The following HADH variants were observed in gnomAD, a reference collection of about 807,000 sequenced individuals.
HADH encodes the protein hydroxyacyl-coenzyme A dehydrogenase, mitochondrial.
HADH carries 24 observed loss-of-function variants against 32.2 expected under a neutral mutation model. The ratio of observed to expected loss-of-function variants is 0.75; its 90% CI spans 0.54 to 1.05. HADH has a LOEUF of 1.05. Among genes scored for constraint, HADH ranks in the 50% least tolerant of loss-of-function variants. The pLI, the probability that HADH is intolerant of heterozygous loss-of-function variation, is 0.00. For synonymous variants in HADH, 139 were observed against 152.5 expected (o/e 0.91, Z 0.65); for missense variants, 350 against 397.1 (o/e 0.88, Z 1.01).
intron 1 of HADH, among the ~76,000 whole-genome samples, chr4:108,002,675 T>C (rs1735156605): frequency 6.6e-6 from 1 of 152,162 alleles, no homozygotes; most frequent in Non-Finnish European, 1.5e-5. Flanking sequence ...TTGGGGACCT[T>C]TGCTCCAGAG....
intron 1 of HADH, among the ~76,000 whole-genome samples, chr4:107,998,038 A>G (rs1430209154): frequency 6.6e-6 from 1 of 152,166 alleles, no homozygotes; most frequent in Non-Finnish European, 1.5e-5. Flanking sequence ...GACTTTACCA[A>G]CAAATGTCTT....
intron 6 of HADH, chr4:108,027,998 C>CTACA (rs1736122331): frequency 1.7e-6 from 1 of 596,228 alleles, no homozygotes; most frequent in African/African-American, 1.9e-5. Context: ...ACCACCCCCA[C>CTACA]TACAGTCCCA....
intron 1 of HADH, 130 bp downstream of exon 1, chr4:107,990,194 G>A: frequency 1.0e-6 from 1 of 958,010 alleles, no homozygotes; most frequent in Non-Finnish European, 1.5e-6. Context: ...CGCCTCCCGG[G>A]TGTAGTTGAA....
chr4:108,012,434 C>T (rs186822428), intron 2 of HADH, among the ~76,000 whole-genome samples: 29 of 152,272 alleles, frequency 1.9e-4, no homozygotes, highest in African/African-American at 6.3e-4. Context: ...GCATTTTTGC[C>T]ACAAGAGTAC....
intron 2 of HADH, among the ~76,000 whole-genome samples, chr4:108,012,660 A>C (rs1211981535): frequency 6.6e-6 from 1 of 152,248 alleles, no homozygotes; most frequent in Non-Finnish European, 1.5e-5. Context: ...CCTCTAAATA[A>C]GGAAGAGGAA....
At chr4:108,023,826 C>A (rs775146262) in intron 5 of HADH, 5 of 446,532 alleles carry the variant, frequency 1.1e-5, no homozygotes, top group Admixed American at 1.0e-4. Flanking sequence ...GTAGAAGACA[C>A]GGGACTGCTC....
At chr4:108,015,331 A>T (rs554923604) in intron 3 of HADH, among the ~76,000 whole-genome samples, 1 of 152,204 alleles carries the variant, frequency 6.6e-6, no homozygotes, top group East Asian at 1.9e-4. Context: ...TCTGACTGGT[A>T]TCAGGTGCTA....
At position 108,022,167 on chromosome 4, in the gene HADH, A is replaced by ATGTGTGTGTGTG. The variant is rs60633286; in HGVS notation, c.547-1297_547-1286dup. Among the ~76,000 whole-genome samples the ATGTGTGTGTGTG allele has an allele frequency of 2.3e-3, 284 of 124,796 alleles. 4 individuals are homozygous for ATGTGTGTGTGTG. Among genetic ancestry groups the ATGTGTGTGTGTG allele is most frequent in the African/African-American group, 7.4e-3 (259 of 34,938 alleles). The allele number at this position is 124,796 out of a possible 152,430, so 81.9% of individuals were successfully genotyped here. A position where few individuals can be genotyped will look rare whatever the true frequency, so the allele number is the denominator to read the frequency against. ...TGGCCTTTACATTTTACATATATAT[A>ATGTGTGTGTGTG]TGTGTGTGTGTGTGTGTGTGTATGT... On this transcript the variant is annotated intron_variant, in intron 4 of 7. Coordinates refer to ENST00000309522, the MANE Select transcript of HADH (RefSeq NM_005327.7).
intron 7 of HADH, among the ~76,000 whole-genome samples, chr4:108,033,918 A>C (rs1423367917): frequency 6.6e-6 from 1 of 152,262 alleles, no homozygotes; most frequent in African/African-American, 2.4e-5. Context: ...TGATGAATCC[A>C]ACCAGCAAAT....
intron 1 of HADH, among the ~76,000 whole-genome samples, chr4:107,992,470 C>T (rs1172746056): frequency 6.6e-6 from 1 of 152,188 alleles, no homozygotes. Flanking sequence ...TCTTTATGCT[C>T]CTTGACCAAC....
intron 5 of HADH, chr4:108,024,741 G>A: frequency 6.6e-6 from 1 of 152,208 alleles, no homozygotes; most frequent in East Asian, 1.9e-4. Context: ...GTATTGAAAA[G>A]AACATCTGTG....
At chr4:108,009,680 G>GT (rs1013186807) in intron 1 of HADH, 79 bp from the exon 2 acceptor site, 116 of 1,225,988 alleles carry the variant, frequency 9.5e-5, no homozygotes, top group Non-Finnish European at 1.3e-4. Context: ...AAATGCCACT[G>GT]TTTTTTGGGG....
chr4:108,021,710 G>A (rs976938998), intron 4 of HADH, among the ~76,000 whole-genome samples: 1 of 152,130 alleles, frequency 6.6e-6, no homozygotes, highest in Non-Finnish European at 1.5e-5. Context: ...TCCATAGTCA[G>A]CAGTGTTTGT....
chr4:107,992,641 G>T (rs2126217143), intron 1 of HADH, among the ~76,000 whole-genome samples: 1 of 152,324 alleles, frequency 6.6e-6, no homozygotes, highest in Middle Eastern at 3.4e-3. Flanking sequence ...TTACCTCTGT[G>T]TCTCGGTTTT....
chr4:108,015,478 G>T (rs546462196), intron 3 of HADH, among the ~76,000 whole-genome samples: 12 of 152,288 alleles, frequency 7.9e-5, no homozygotes, highest in African/African-American at 2.9e-4. Context: ...GACAGATTCT[G>T]AGGGGTCCCT....
chr4:108,006,521 C>T (rs969600460), intron 1 of HADH, among the ~76,000 whole-genome samples: 1 of 152,144 alleles, frequency 6.6e-6, no homozygotes, highest in African/African-American at 2.4e-5. Context: ...GAGCACAGAT[C>T]TTAGAGCAGT....
chr4:107,995,869 G>C (rs1012811624), intron 1 of HADH, among the ~76,000 whole-genome samples: 5 of 152,280 alleles, frequency 3.3e-5, no homozygotes, highest in Non-Finnish European at 4.4e-5. Flanking sequence ...ATCCCAGGTT[G>C]ACGTCTCCTT....
At position 108,003,856 on chromosome 4, in the gene HADH, G is replaced by A. The variant is rs142389979; in HGVS notation, c.133-5903G>A. Among the ~76,000 whole-genome samples, 528 of 151,568 alleles carry A rather than the reference G, an allele frequency of 3.5e-3. 1 individual carries two copies. Among genetic ancestry groups the A allele is most frequent in the South Asian group, 0.012 (57 of 4,782 alleles). On this transcript the variant is annotated intron_variant, in intron 1 of 7. Transcript: ENST00000309522. ...AAAAAAACCCGCAAGCTATTGTGAT[G>A]TGCCAGGCACCACTGCAGGTTTTTG...
chr4:108,028,652 A>T (rs1736145029), intron 6 of HADH: 1 of 389,868 alleles, frequency 2.6e-6, no homozygotes, highest in African/African-American at 2.1e-5. Flanking sequence ...TCCAAGATCA[A>T]ACCAACAGTT....
Sources: gnomAD v4.1 joint callset for allele counts (sites outside exome capture counted in the v4.1 genomes callset) on GRCh38, gnomAD v4.1.1 for gene constraint, MANE v1.5 for transcripts, NCBI Gene and HGNC (gene_info 2026-07-23, HGNC 2026-07-21) for gene names.